KITLG: variants seen among roughly 807,000 people sequenced by gnomAD.
KITLG encodes the protein KIT ligand, also known as c-Kit ligand.
A neutral mutation model predicts 34.1 loss-of-function variants in KITLG; 13 were observed. The ratio of observed to expected loss-of-function variants is 0.38; its 90% CI spans 0.25 to 0.61. KITLG has a LOEUF of 0.61. Ranked by LOEUF, KITLG falls within the 20% of genes least tolerant of loss-of-function variation. The pLI, the probability that KITLG is intolerant of heterozygous loss-of-function variation, is 0.60. For synonymous variants in KITLG, 110 were observed against 104.0 expected (o/e 1.06, Z -0.35); for missense variants, 292 against 318.9 (o/e 0.92, Z 0.64).
At position 88,496,185 on chromosome 12, in the gene KITLG, G is replaced by C. The variant is rs1868636050; in HGVS notation, c.*1034C>G. 1 of 152,032 alleles carries C rather than the reference G, an allele frequency of 6.6e-6. No homozygotes were observed. The highest frequency in any genetic ancestry group is 1.5e-5 in the Non-Finnish European group (1 of 68,008). The allele number at this position is 152,032 out of a possible 1,614,324, so 9.4% of individuals were successfully genotyped here. A position where few individuals can be genotyped will look rare whatever the true frequency, so the allele number is the denominator to read the frequency against. ...GATTCCTTGCATTATAAGTAACCTA[G>C]TTTTCAACACCCATATTAGCATGTG... On this transcript the variant is annotated 3_prime_UTR_variant, in exon 10 of 10. Coordinates refer to ENST00000644744, the MANE Select transcript of KITLG (RefSeq NM_000899.5).
intron 1 of KITLG, among the ~76,000 whole-genome samples, chr12:88,574,184 T>C (rs1871749395): frequency 6.6e-6 from 1 of 151,926 alleles, no homozygotes; most frequent in Non-Finnish European, 1.5e-5. Context: ...GTTGTGGCCC[T>C]GTTTTCTGAG....
At chr12:88,576,143 G>T (rs1192727900) in intron 1 of KITLG, among the ~76,000 whole-genome samples, 1 of 152,076 alleles carries the variant, frequency 6.6e-6, no homozygotes, top group Non-Finnish European at 1.5e-5. Context: ...CAGCGATAAA[G>T]ATAATATTTC....
rs183329426 is a variant in KITLG at position 88,547,437 on chromosome 12, C to T, written c.16-1572G>A. On this transcript the variant is annotated intron_variant, in intron 1 of 9. Transcript: ENST00000644744. ...CTACTTCTAGCATTGTGGGGTCACACTCTTCATAGTATCATCTTTCTTGGA... is the reference window on the plus strand; with the variant it reads ...CTACTTCTAGCATTGTGGGGTCACATTCTTCATAGTATCATCTTTCTTGGA... 4.2e-3 allele frequency among the ~76,000 whole-genome samples: 646 copies of T among 152,270 alleles called. 3 individuals are homozygous for T. Among genetic ancestry groups the T allele is most frequent in the Middle Eastern group, 0.017 (5 of 294 alleles).
intron 1 of KITLG, among the ~76,000 whole-genome samples, chr12:88,556,837 G>GA (rs376899984): frequency 8.6e-5 from 13 of 151,772 alleles, no homozygotes; most frequent in East Asian, 1.9e-4. Flanking sequence ...GCAGCCAATG[G>GA]AAAAAAAATA....
At chr12:88,542,660 A>T (rs1173254384) in intron 2 of KITLG, among the ~76,000 whole-genome samples, 2 of 151,898 alleles carry the variant, frequency 1.3e-5, no homozygotes, top group East Asian at 1.9e-4. Flanking sequence ...ACACACACAC[A>T]CTCTATAAAC....
chr12:88,547,127 G>T (rs560527447), intron 1 of KITLG, among the ~76,000 whole-genome samples: 1 of 152,258 alleles, frequency 6.6e-6, no homozygotes, highest in South Asian at 2.1e-4. Context: ...CCATTCTTCT[G>T]TAAAATCTTA....
intron 1 of KITLG, among the ~76,000 whole-genome samples, chr12:88,548,347 G>C (rs1405067526): frequency 6.6e-6 from 1 of 152,008 alleles, no homozygotes; most frequent in Non-Finnish European, 1.5e-5. Context: ...CCAGGTACTC[G>C]GGAGGCTGAG....
intron 3 of KITLG, among the ~76,000 whole-genome samples, chr12:88,525,017 C>T (rs754561718): frequency 6.6e-6 from 1 of 152,000 alleles, no homozygotes; most frequent in African/African-American, 2.4e-5. Context: ...CTTGGATAGG[C>T]CAACCAGAAC....
At position 88,493,187 on chromosome 12, in the gene KITLG, G is replaced by A. The variant is rs940709653; in HGVS notation, c.*4032C>T. 1 of 152,270 alleles carries A rather than the reference G, an allele frequency of 6.6e-6. No homozygotes were observed. The highest frequency in any genetic ancestry group is 2.4e-5 in the African/African-American group (1 of 41,398). 9.4% of individuals were successfully genotyped at this position (152,270 alleles called of 1,614,324 possible). On this transcript the variant is annotated 3_prime_UTR_variant, in exon 10 of 10. Transcript: ENST00000644744. ...TTTTGATTGGAAAATTATATTTAGT[G>A]AGTATTGTAGCTCAGAGATCAAGTA...
chr12:88,500,034 GC>G (rs1253200495), intron 9 of KITLG, among the ~76,000 whole-genome samples: 2 of 152,028 alleles, frequency 1.3e-5, no homozygotes, highest in Non-Finnish European at 2.9e-5. Flanking sequence ...AGGCATTTAA[GC>G]CCCATTCCTG....
chr12:88,543,388 T>C (rs970052287), intron 2 of KITLG, among the ~76,000 whole-genome samples: 2 of 152,220 alleles, frequency 1.3e-5, no homozygotes, highest in South Asian at 4.1e-4. Flanking sequence ...TGTGATATTT[T>C]GCTGAGAATA....
At chr12:88,533,352 A>T (rs1870175797) in intron 2 of KITLG, among the ~76,000 whole-genome samples, 3 of 152,180 alleles carry the variant, frequency 2.0e-5, no homozygotes. Flanking sequence ...ACCTATGTCA[A>T]ATGGTCATTT....
intron 3 of KITLG, among the ~76,000 whole-genome samples, chr12:88,525,510 T>C (rs1394698057): frequency 2.0e-5 from 3 of 152,174 alleles, no homozygotes; most frequent in African/African-American, 7.2e-5. Context: ...CCTTGCTCTG[T>C]AGATAGTCAA....
At chr12:88,545,239 G>A (rs892550003) in intron 2 of KITLG, among the ~76,000 whole-genome samples, 1 of 152,180 alleles carries the variant, frequency 6.6e-6, no homozygotes, top group Non-Finnish European at 1.5e-5. Flanking sequence ...CCTTCAACAT[G>A]TGGGCAATGA....
At chr12:88,543,594 T>C (rs1368267377) in intron 2 of KITLG, among the ~76,000 whole-genome samples, 2 of 152,288 alleles carry the variant, frequency 1.3e-5, no homozygotes, top group East Asian at 1.9e-4. Flanking sequence ...TGACAGGTGA[T>C]TGTGATGCTC....
Position 88,507,138 on chromosome 12 carries a change from C to T in KITLG, c.605-1G>A. 1.3e-6 allele frequency: 2 copies of T among 1,591,900 alleles called. No individual in the cohort carries two copies. Among genetic ancestry groups the T allele is most frequent in the Non-Finnish European group, 1.7e-6 (2 of 1,159,866 alleles). On this transcript the variant is annotated splice_acceptor_variant, in intron 6 of 9. Coordinates refer to ENST00000644744, the MANE Select transcript of KITLG (RefSeq NM_000899.5). LOFTEE classifies it high-confidence loss of function. Reference sequence around the variant, plus strand: ...TCTCCAGGGGGATTTTTGGCCTTCCCTATAATTTAAAGAACACACTGATGA... The same window carrying T: ...TCTCCAGGGGGATTTTTGGCCTTCCTTATAATTTAAAGAACACACTGATGA...
intron 6 of KITLG, among the ~76,000 whole-genome samples, chr12:88,510,017 G>A (rs752211085): frequency 6.6e-6 from 1 of 152,046 alleles, no homozygotes; most frequent in Non-Finnish European, 1.5e-5. Context: ...CATCTGGGCC[G>A]GATTTGAGTA....
chr12:88,555,449 A>G (rs1871064546), intron 1 of KITLG, among the ~76,000 whole-genome samples: 1 of 152,202 alleles, frequency 6.6e-6, no homozygotes, highest in Admixed American at 6.5e-5. Context: ...TTGGATATAA[A>G]CCAAAACCTA....
intron 2 of KITLG, among the ~76,000 whole-genome samples, chr12:88,541,220 G>A (rs1207774222): frequency 6.6e-6 from 1 of 152,016 alleles, no homozygotes; most frequent in African/African-American, 2.4e-5. Context: ...TAGCCAACTT[G>A]AAATAAGTGC....
Sources: gnomAD v4.1 joint callset for allele counts (sites outside exome capture counted in the v4.1 genomes callset) on GRCh38, gnomAD v4.1.1 for gene constraint, MANE v1.5 for transcripts, NCBI Gene and HGNC (gene_info 2026-07-23, HGNC 2026-07-21) for gene names.